Variants in PRORP observed in about 807,000 individuals in gnomAD.
The protein encoded by PRORP is protein only RNase P catalytic subunit.
A neutral mutation model predicts 59.4 loss-of-function variants in PRORP; 51 were observed. The observed-to-expected ratio is 0.86, with a 90% confidence interval of 0.69 to 1.08. PRORP has a LOEUF of 1.08. Ranked by LOEUF, PRORP falls within the 50% of genes least tolerant of loss-of-function variation. The pLI is 0.00. For synonymous variants in PRORP, 231 were observed against 245.6 expected (o/e 0.94, Z 0.55); for missense variants, 646 against 690.3 (o/e 0.94, Z 0.72).
chr14:35,194,146 A>C (rs1177607750), intron 5 of PRORP, among the ~76,000 whole-genome samples: 1 of 152,184 alleles, frequency 6.6e-6, no homozygotes, highest in Non-Finnish European at 1.5e-5. Flanking sequence ...ATGCTGCCAT[A>C]AGAAGTCAAA....
chr14:35,178,371 G>T (rs978198831), intron 4 of PRORP, among the ~76,000 whole-genome samples: 1 of 152,198 alleles, frequency 6.6e-6, no homozygotes, highest in Non-Finnish European at 1.5e-5. Context: ...TATTGTGTGG[G>T]TGTCTAAGTC....
chr14:35,261,531 C>A (rs2050902654), intron 5 of PRORP, among the ~76,000 whole-genome samples: 1 of 152,142 alleles, frequency 6.6e-6, no homozygotes, highest in South Asian at 2.1e-4. Context: ...GAGTTTGAGA[C>A]CAGCCCGACC....
At chr14:35,130,307 C>T (rs1236372122) in intron 4 of PRORP, among the ~76,000 whole-genome samples, 1 of 152,030 alleles carries the variant, frequency 6.6e-6, no homozygotes, top group Non-Finnish European at 1.5e-5. Context: ...GCTGGGATTA[C>T]AGGCGTAAGG....
chr14:35,236,271 A>T (rs112496597), intron 5 of PRORP, among the ~76,000 whole-genome samples: 7,422 of 152,040 alleles, frequency 0.049, 266 homozygotes, highest in African/African-American at 0.098. Flanking sequence ...TGATCTATTT[A>T]TCTGTTTTCT....
intron 4 of PRORP, among the ~76,000 whole-genome samples, chr14:35,129,299 C>A (rs557428392): frequency 2.0e-5 from 3 of 152,008 alleles, no homozygotes; most frequent in Non-Finnish European, 2.9e-5. Context: ...TATATCCCAC[C>A]GTGCCTAGAT....
intron 6 of PRORP, among the ~76,000 whole-genome samples, chr14:35,269,855 G>A (rs2051140949): frequency 6.6e-6 from 1 of 152,158 alleles, no homozygotes; most frequent in African/African-American, 2.4e-5. Flanking sequence ...AAGGTTGATG[G>A]TCTGTTGGAG....
chr14:35,242,659 T>G (rs1049855841), intron 5 of PRORP, among the ~76,000 whole-genome samples: 1 of 152,232 alleles, frequency 6.6e-6, no homozygotes, highest in Admixed American at 6.5e-5. Context: ...TTTTCATCTA[T>G]CTAGCTAGCT....
intron 5 of PRORP, chr14:35,262,792 T>C (rs1278811917): frequency 3.8e-6 from 5 of 1,322,914 alleles, no homozygotes; most frequent in East Asian, 4.6e-5. Context: ...GGGTCTCTTG[T>C]TGAAATCTGA....
At chr14:35,162,940 T>G (rs1381576528) in intron 4 of PRORP, among the ~76,000 whole-genome samples, 1 of 152,174 alleles carries the variant, frequency 6.6e-6, no homozygotes, top group African/African-American at 2.4e-5. Flanking sequence ...TACCAAATTC[T>G]TCATATAAAT....
intron 5 of PRORP, among the ~76,000 whole-genome samples, chr14:35,205,760 C>A (rs753056802): frequency 6.6e-6 from 1 of 152,122 alleles, no homozygotes; most frequent in African/African-American, 2.4e-5. Context: ...TTCATACACA[C>A]AGTTTTTTGT....
intron 5 of PRORP, among the ~76,000 whole-genome samples, chr14:35,203,974 T>A (rs2049227084): frequency 6.6e-6 from 1 of 152,260 alleles, no homozygotes; most frequent in Admixed American, 6.5e-5. Context: ...GGTTATTTAT[T>A]GGATTGGTTC....
chr14:35,245,242 A>G (rs2050455031), intron 5 of PRORP, among the ~76,000 whole-genome samples: 1 of 152,226 alleles, frequency 6.6e-6, no homozygotes, highest in African/African-American at 2.4e-5. Flanking sequence ...AATAAAATGC[A>G]AGTCTTCACT....
At chr14:35,190,787 G>T (rs1269992523) in intron 5 of PRORP, among the ~76,000 whole-genome samples, 3 of 152,138 alleles carry the variant, frequency 2.0e-5, no homozygotes, top group African/African-American at 7.2e-5. Context: ...ACAGGCATGA[G>T]CCACCGCACC....
At chr14:35,125,087 A>T (rs1453482072) in intron 2 of PRORP, among the ~76,000 whole-genome samples, 2 of 151,884 alleles carry the variant, frequency 1.3e-5, no homozygotes, top group Non-Finnish European at 2.9e-5. Flanking sequence ...CTGCTCTCGA[A>T]CTACCTCAGG....
At chr14:35,242,160 GA>G (rs1160741582) in intron 5 of PRORP, among the ~76,000 whole-genome samples, 1 of 152,174 alleles carries the variant, frequency 6.6e-6, no homozygotes, top group African/African-American at 2.4e-5. Context: ...ATTATTTAAA[GA>G]AAAGAACTGA....
intron 4 of PRORP, among the ~76,000 whole-genome samples, chr14:35,166,202 A>C (rs1033323931): frequency 6.6e-5 from 10 of 152,044 alleles, no homozygotes; most frequent in Admixed American, 1.3e-4. Flanking sequence ...GCTGCATTTC[A>C]TGAAATACAT....
At chr14:35,229,101 G>T (rs1385198667) in intron 5 of PRORP, among the ~76,000 whole-genome samples, 1 of 152,132 alleles carries the variant, frequency 6.6e-6, no homozygotes, top group Non-Finnish European at 1.5e-5. Context: ...CTTTTGAGAA[G>T]TGTCTATTCA....
In PRORP at chr14:35,201,972, AT is replaced by A. The variant is rs753624770; in HGVS notation, c.1275+21210del. Among the ~76,000 whole-genome samples, 775 of 112,310 alleles carry A rather than the reference AT, an allele frequency of 6.9e-3. 5 individuals carry two copies. Among genetic ancestry groups the A allele is most frequent in the African/African-American group, 0.018 (571 of 32,164 alleles). 73.7% of individuals were successfully genotyped at this position (112,310 alleles called of 152,430 possible). ...CGTGCCCCGCCACAAAATTATTATT[AT>A]TTTTTTTTTTTTTTGAGACAGAGTC... On this transcript the variant is annotated intron_variant, in intron 5 of 7. Transcript: ENST00000534898.
chr14:35,187,618 C>G (rs1477812413), intron 5 of PRORP, among the ~76,000 whole-genome samples: 1 of 151,194 alleles, frequency 6.6e-6, no homozygotes. Context: ...TTAGTAGAGA[C>G]GGGTTTTCGC....
Sources: gnomAD v4.1 joint callset for allele counts (sites outside exome capture counted in the v4.1 genomes callset) on GRCh38, gnomAD v4.1.1 for gene constraint, MANE v1.5 for transcripts, NCBI Gene and HGNC (gene_info 2026-07-23, HGNC 2026-07-21) for gene names.